Variants in TSPAN4 observed in about 807,000 individuals in gnomAD.
The protein encoded by TSPAN4 is tetraspanin-4.
TSPAN4 carries 38 observed loss-of-function variants against 31.5 expected under a neutral mutation model. That is an observed-to-expected ratio of 1.21 (90% CI 0.93 to 1.58). TSPAN4 has a LOEUF of 1.58. Ranked by LOEUF, TSPAN4 falls within the 40% of genes most tolerant of loss-of-function variation. The pLI, the probability that TSPAN4 is intolerant of heterozygous loss-of-function variation, is 0.00. For missense variants in TSPAN4, 330 were observed against 317.3 expected (o/e 1.04, Z -0.30); for synonymous variants, 186 against 144.6 (o/e 1.29, Z -2.06).
At chr11:857,953 G>C (rs1848153878) in intron 3 of TSPAN4, 1 of 152,274 alleles carries the variant, frequency 6.6e-6, no homozygotes, top group Non-Finnish European at 1.5e-5. Context: ...CCCAGTTCTT[G>C]GGGCAGTGAT....
At chr11:862,868 G>C in intron 4 of TSPAN4, 127 bp downstream of exon 4, 1 of 1,066,994 alleles carries the variant, frequency 9.4e-7, no homozygotes, top group South Asian at 1.7e-5. Flanking sequence ...CGGACCTCCA[G>C]GCTGGCAGTG....
chr11:861,666 C>T (rs1199887043), intron 3 of TSPAN4, among the ~76,000 whole-genome samples: 3 of 150,712 alleles, frequency 2.0e-5, no homozygotes, highest in South Asian at 2.1e-4. Flanking sequence ...GAGCCGAGAT[C>T]GCGCCACTGC....
chr11:862,765 G>C (rs766443462), intron 4 of TSPAN4, 24 bp downstream of exon 4: 30 of 1,593,300 alleles, frequency 1.9e-5, no homozygotes, highest in Non-Finnish European at 2.6e-5. Flanking sequence ...CCCAAGCGAT[G>C]CTCCGGGTGG....
intron 5 of TSPAN4, 107 bp from the exon 6 acceptor site, chr11:865,406 C>A: frequency 2.3e-6 from 2 of 859,848 alleles, no homozygotes; most frequent in Non-Finnish European, 3.7e-6. Flanking sequence ...GCGGGGGACA[C>A]AAGACCAGGC....
rs1383049594 is a variant in TSPAN4, at chr11:848,955, G to A, written c.-17-1333G>A. Reference sequence around the variant, plus strand: ...GCCGGTATGTCTGTACCTGTCAAGGGGTGGGGTGGGGTCTTTTACAGGCTG... The same window carrying A: ...GCCGGTATGTCTGTACCTGTCAAGGAGTGGGGTGGGGTCTTTTACAGGCTG... On this transcript the variant is annotated intron_variant, in intron 2 of 8. Coordinates refer to ENST00000397397, the MANE Select transcript of TSPAN4 (RefSeq NM_003271.5). The surrounding 1 kb of genome is among the most constrained non-coding windows in gnomAD (Gnocchi z 5.7). The A allele has an allele frequency of 1.4e-6, 1 of 690,242 alleles. No individual in the cohort carries two copies. The highest frequency in any genetic ancestry group is 2.7e-6 in the Non-Finnish European group (1 of 371,844). The allele number at this position is 690,242 out of a possible 1,614,324, so 42.8% of individuals were successfully genotyped here.
intron 3 of TSPAN4, chr11:856,743 GCCC>G (rs1848065177): frequency 6.6e-6 from 1 of 152,266 alleles, no homozygotes; most frequent in African/African-American, 2.4e-5. Context: ...GAGGGACCTG[GCCC>G]TCCTGGCCTC....
intron 3 of TSPAN4, among the ~76,000 whole-genome samples, chr11:855,141 G>A (rs931844212): frequency 6.6e-6 from 1 of 152,164 alleles, no homozygotes; most frequent in Non-Finnish European, 1.5e-5. Flanking sequence ...GCTCCACGGG[G>A]CCTCTGCAGG....
rs1178329100 is a variant in TSPAN4, at chr11:866,600, A to G, written c.687A>G (p.Gln229=). 1.9e-6 allele frequency: 3 copies of G among 1,613,460 alleles called. No individual in the cohort carries two copies. Among genetic ancestry groups the G allele is most frequent in the East Asian group, 2.2e-5 (1 of 44,844 alleles). The change falls in exon 9 of 9, where the codon CAA becomes CAG. Residue 229 remains glutamine, a synonymous_variant. Transcript: ENST00000397397. ...CCTTCGCCATGACCATGTACTGCCA[A>G]GTGGTCAAGGCAGACACCTACTGCG... ...GLTFAMTMYC[Q]VVKADTYCA is the part of the protein sequence containing the mutation.
At chr11:854,254 G>A (rs1589770335) in intron 3 of TSPAN4, among the ~76,000 whole-genome samples, 1 of 152,168 alleles carries the variant, frequency 6.6e-6, no homozygotes, top group African/African-American at 2.4e-5. Context: ...CTCTTCACCC[G>A]CAGCACCAGG....
chr11:858,961 C>G (rs1589781234), intron 3 of TSPAN4, among the ~76,000 whole-genome samples: 3 of 131,798 alleles, frequency 2.3e-5, no homozygotes, highest in East Asian at 2.5e-4. Context: ...CTTGCACCCC[C>G]GGCACACATG....
chr11:852,167 G>A lies in TSPAN4; in HGVS notation c.63+1800G>A, dbSNP rs150065039. 1.0e-3 allele frequency among the ~76,000 whole-genome samples: 156 copies of A among 152,192 alleles called. 1 individual carries two copies. In the East Asian group the frequency reaches 0.028, roughly 27 times the overall value. On this transcript the variant is annotated intron_variant, in intron 3 of 8. Transcript: ENST00000397397. ...TTTTGAGATAGAGTCTTGCTCTGTC[G>A]CCTGGAGTGCAGTGGCGTGATCTTG...
At chr11:844,529 T>A (rs1285366600) in intron 1 of TSPAN4, 1 of 152,030 alleles carries the variant, frequency 6.6e-6, no homozygotes, top group Admixed American at 6.5e-5. Context: ...AGGCCTGTCC[T>A]CAGTCCCGAC....
chr11:849,837 C>T (rs1252304182), intron 2 of TSPAN4: 1 of 146,910 alleles, frequency 6.8e-6, no homozygotes, highest in African/African-American at 2.5e-5. Context: ...GCGCGGGGGC[C>T]GCAGCGCGCG....
At chr11:862,969 A>G in intron 4 of TSPAN4, 1 of 534,610 alleles carries the variant, frequency 1.9e-6, no homozygotes, top group Non-Finnish European at 3.3e-6. Context: ...ACTCAAGAGA[A>G]CGTGCTGTAC....
intron 4 of TSPAN4, 87 bp downstream of exon 4, chr11:862,828 C>G: frequency 7.3e-7 from 1 of 1,364,932 alleles, no homozygotes; most frequent in Non-Finnish European, 9.8e-7. Flanking sequence ...GCCGCAGTGA[C>G]CCCCCAGACG....
At chr11:861,870 C>A (rs1053511668) in intron 3 of TSPAN4, among the ~76,000 whole-genome samples, 1 of 152,148 alleles carries the variant, frequency 6.6e-6, no homozygotes, top group Non-Finnish European at 1.5e-5. Flanking sequence ...TTGCAGTGAG[C>A]CCAGATGGTG....
intron 3 of TSPAN4, among the ~76,000 whole-genome samples, chr11:851,114 C>G (rs1196141115): frequency 2.0e-5 from 3 of 152,210 alleles, no homozygotes; most frequent in Non-Finnish European, 2.9e-5. Flanking sequence ...CCACCCCACC[C>G]CAGCCCCATG....
chr11:851,958 G>A (rs1473084612), intron 3 of TSPAN4, among the ~76,000 whole-genome samples: 1 of 126,606 alleles, frequency 7.9e-6, no homozygotes, highest in Non-Finnish European at 1.8e-5. Flanking sequence ...TCTGAGAGCA[G>A]CCCGCCCTCA....
At position 865,998 on chromosome 11, in the gene TSPAN4, G is replaced by C; in HGVS notation, c.645G>C (p.Val215=). 1 of 1,611,922 alleles carries C rather than the reference G, an allele frequency of 6.2e-7. No individual in the cohort carries two copies. Among genetic ancestry groups the C allele is most frequent in the Non-Finnish European group, 8.5e-7 (1 of 1,179,950 alleles). ...TCTTTGGGCTGTGCACGGCGCTGGTGCAGGTATGGCCTGGGGGCCTGCGGG... is the reference window on the plus strand; with the variant it reads ...TCTTTGGGCTGTGCACGGCGCTGGTCCAGGTATGGCCTGGGGGCCTGCGGG... ...VGIFGLCTAL[V]QILGLTFAMT... Residue 215 remains valine, a synonymous_variant, in exon 8 of 9, where the codon GTG becomes GTC. Coordinates refer to ENST00000397397, the MANE Select transcript of TSPAN4 (RefSeq NM_003271.5).
Sources: allele counts gnomAD v4.1 joint callset (sites outside exome capture counted in the v4.1 genomes callset), GRCh38; gene constraint gnomAD v4.1.1; non-coding constraint Gnocchi (gnomAD v3.1); transcripts MANE v1.5; gene names NCBI Gene and HGNC (gene_info 2026-07-23, HGNC 2026-07-21).